Variants in JAK1 observed in about 807,000 individuals in gnomAD.
The protein encoded by JAK1 is tyrosine-protein kinase JAK1.
In JAK1, 16 loss-of-function variants were observed where a neutral mutation model predicts 136.6. The ratio of observed to expected loss-of-function variants is 0.12; its 90% CI spans 0.08 to 0.18. JAK1 has a LOEUF of 0.18. Ranked by LOEUF, JAK1 falls within the 10% of genes least tolerant of loss-of-function variation. The pLI is 1.00. For synonymous variants in JAK1, 492 were observed against 519.5 expected, an observed-to-expected ratio of 0.95 and a Z score of 0.72; for missense variants, 859 against 1,450.1, an observed-to-expected ratio of 0.59 and a Z score of 6.62.
chr1:64,997,002 G>A (rs955330199), intron 2 of JAK1, among the ~76,000 whole-genome samples: 1 of 152,160 alleles, frequency 6.6e-6, no homozygotes, highest in Non-Finnish European at 1.5e-5. Flanking sequence ...AGTTGATACT[G>A]TCATACACAT....
intron 1 of JAK1, among the ~76,000 whole-genome samples, chr1:64,890,481 A>G (rs1644918371): frequency 6.6e-6 from 1 of 152,206 alleles, no homozygotes. Flanking sequence ...CCATTAACCT[A>G]AGAGGAAACA....
chr1:64,875,540 G>A (rs1331836742), intron 4 of JAK1, among the ~76,000 whole-genome samples: 1 of 152,184 alleles, frequency 6.6e-6, no homozygotes, highest in Admixed American at 6.5e-5. Flanking sequence ...AATAAACTCA[G>A]GGAGTAGCAA....
chr1:64,993,264 T>A (rs1169918652), intron 2 of JAK1: 1 of 152,224 alleles, frequency 6.6e-6, no homozygotes, highest in Non-Finnish European at 1.5e-5. Context: ...GGTTAAGAGT[T>A]GGGGCACTGG....
intron 1 of JAK1, among the ~76,000 whole-genome samples, chr1:64,899,405 T>C (rs1383463011): frequency 6.6e-6 from 1 of 152,238 alleles, no homozygotes; most frequent in Non-Finnish European, 1.5e-5. Flanking sequence ...CTATAAACTA[T>C]GGGTGACAAC....
intron 8 of JAK1, among the ~76,000 whole-genome samples, chr1:64,860,861 T>TGTGTGTGTGTGTGTG (rs58016723): frequency 2.5e-4 from 33 of 132,292 alleles, no homozygotes; most frequent in Non-Finnish European, 4.0e-4. Context: ...TGTGTGTGTG[T>TGTGTGTGTGTGTGTG]TGGGGGTGAC....
chr1:65,046,873 T>A (rs1365714636), intron 1 of JAK1, among the ~76,000 whole-genome samples: 1 of 95,662 alleles, frequency 1.0e-5, no homozygotes, highest in Non-Finnish European at 2.0e-5. Context: ...CCCCAACCTC[T>A]TTTTTTTTTT....
chr1:64,945,126 G>C (rs1645961073), intron 1 of JAK1, among the ~76,000 whole-genome samples: 1 of 151,890 alleles, frequency 6.6e-6, no homozygotes, highest in African/African-American at 2.4e-5. Context: ...CAGTCCACTA[G>C]CCCTTACGAA....
chr1:64,834,404 G>A lies in JAK1; in HGVS notation c.*158C>T. 1.7e-6 allele frequency: 1 copy of A among 571,680 alleles called. No individual in the cohort carries two copies. The highest frequency in any genetic ancestry group is 2.8e-5 in the East Asian group (1 of 35,240). The allele number at this position is 571,680 out of a possible 1,614,324, so 35.4% of individuals were successfully genotyped here. ...GTCCTTACACATATTAAGCACTACA[G>A]TGTGCCTTATACATGTATATGTACT... On this transcript the variant is annotated 3_prime_UTR_variant, in exon 25 of 25. Coordinates refer to ENST00000342505, the MANE Select transcript of JAK1 (RefSeq NM_002227.4).
At chr1:65,030,536 AT>A (rs34009188) in intron 2 of JAK1, among the ~76,000 whole-genome samples, 13,157 of 145,864 alleles carry the variant, frequency 0.09, 707 homozygotes, top group Admixed American at 0.17. Flanking sequence ...CCTCCTGACA[AT>A]TTTTTTTTTT....
In JAK1 at chr1:64,839,479, G is replaced by A. The variant is rs1343901014; in HGVS notation, c.2842+124C>T. ...TGACTTGGAAGCCTTGAGAGTGTGT[G>A]GGAACCACCAGCTAGCATGTCAGAC... On this transcript the variant is annotated intron_variant, in intron 20 of 24. Coordinates refer to ENST00000342505, the MANE Select transcript of JAK1 (RefSeq NM_002227.4). 6 of 809,818 alleles carry A rather than the reference G, an allele frequency of 7.4e-6. No homozygotes were observed. In the Admixed American group the frequency reaches 1.2e-4, roughly 17 times the overall value. 50.2% of individuals were successfully genotyped at this position (809,818 alleles called of 1,614,324 possible).
At chr1:65,021,941 T>A (rs1479864223) in intron 2 of JAK1, among the ~76,000 whole-genome samples, 1 of 152,148 alleles carries the variant, frequency 6.6e-6, no homozygotes, top group Non-Finnish European at 1.5e-5. Context: ...ACTGGAGGAG[T>A]ACAGCTGTGT....
intron 1 of JAK1, among the ~76,000 whole-genome samples, chr1:64,959,731 G>C (rs1646249834): frequency 1.3e-5 from 2 of 152,044 alleles, no homozygotes; most frequent in Admixed American, 1.3e-4. Flanking sequence ...TAGCACCTTT[G>C]GCACTGTCTA....
intron 2 of JAK1, among the ~76,000 whole-genome samples, chr1:65,010,309 T>TTCTC (rs146058654): frequency 6.6e-6 from 1 of 150,932 alleles, no homozygotes. Context: ...CGCACGCTCA[T>TTCTC]TCTCTCTCTC....
chr1:64,855,555 A>G lies in JAK1; in HGVS notation c.1602T>C (p.Asp534=). The stretch of plus-strand genomic sequence containing the variant: ...AGCGTTTTAGCATGAAGCTGATGTT[A>G]TCCGTGCGCAGGATCTGCTTCTTGA... ...SHLKKQILRT[D]NISFMLKRCC... The change falls in exon 11 of 25, where the codon GAT becomes GAC. Residue 534 remains aspartate, a synonymous_variant. Coordinates refer to ENST00000342505, the MANE Select transcript of JAK1 (RefSeq NM_002227.4). 1 of 1,614,150 alleles carries G rather than the reference A, an allele frequency of 6.2e-7. No homozygotes were observed. The highest frequency in any genetic ancestry group is 8.5e-7 in the Non-Finnish European group (1 of 1,180,022).
At chr1:64,880,490 G>A (rs546535665) in intron 3 of JAK1, among the ~76,000 whole-genome samples, 1 of 152,210 alleles carries the variant, frequency 6.6e-6, no homozygotes, top group Non-Finnish European at 1.5e-5. Flanking sequence ...TATCTGAAGT[G>A]TAACTTATTT....
intron 2 of JAK1, chr1:64,985,875 C>T: frequency 1.6e-6 from 1 of 633,072 alleles, no homozygotes; most frequent in Non-Finnish European, 2.9e-6. Context: ...GCTAATCATA[C>T]AACCAATGGA....
intron 2 of JAK1, among the ~76,000 whole-genome samples, chr1:64,986,358 C>T (rs961718710): frequency 5.9e-5 from 9 of 152,224 alleles, no homozygotes; most frequent in Admixed American, 5.2e-4. Context: ...TCACCCACCT[C>T]GGCCTCCCAA....
Position 64,866,993 on chromosome 1 carries a change from G to A in JAK1, c.863C>T (p.Thr288Ile), listed in dbSNP as rs753173252. ...TTCTGATGAAATCAGTAACATGGAAGTCTCAAATATTTCAGCACCGTAATG... is the reference window on the plus strand; with the variant it reads ...TTCTGATGAAATCAGTAACATGGAAATCTCAAATATTTCAGCACCGTAATG... ...TKHYGAEIFE[T>I]SMLLISSENE... The change falls in exon 7 of 25, where the codon ACT becomes ATT. Residue 288 changes from threonine to isoleucine, a missense_variant. Coordinates refer to ENST00000342505, the MANE Select transcript of JAK1 (RefSeq NM_002227.4). 2 of 1,614,078 alleles carry A rather than the reference G, an allele frequency of 1.2e-6. No homozygotes were observed. The highest frequency in any genetic ancestry group is 1.7e-6 in the Non-Finnish European group (2 of 1,180,004).
intron 1 of JAK1, among the ~76,000 whole-genome samples, chr1:64,965,466 A>G (rs1355358323): frequency 6.6e-6 from 1 of 152,152 alleles, no homozygotes; most frequent in Non-Finnish European, 1.5e-5. Flanking sequence ...TTTATCTAGA[A>G]GTTCCGTGGT....
Sources: gnomAD v4.1 joint callset for allele counts (sites outside exome capture counted in the v4.1 genomes callset) on GRCh38, gnomAD v4.1.1 for gene constraint, MANE v1.5 for transcripts, NCBI Gene and HGNC (gene_info 2026-07-23, HGNC 2026-07-21) for gene names.